The following RFC3 variants were observed in gnomAD, a reference collection of about 807,000 sequenced individuals.
The protein encoded by RFC3 is replication factor C subunit 3.
Under a neutral mutation model 45.1 loss-of-function variants are expected in RFC3, and 41 were observed. The ratio of observed to expected loss-of-function variants is 0.91; its 90% CI spans 0.71 to 1.18. The LOEUF (loss-of-function observed/expected upper bound fraction) is 1.18. Among genes scored for constraint, RFC3 ranks in the 50% most tolerant of loss-of-function variants. The probability of loss-of-function intolerance (pLI) is 0.00; values close to 1 mark genes in which losing one functional copy is unlikely to be tolerated. For synonymous variants in RFC3, 149 were observed against 144.0 expected, an observed-to-expected ratio of 1.03 and a Z score of -0.25; for missense variants, 423 against 428.1, an observed-to-expected ratio of 0.99 and a Z score of 0.10.
At chr13:33,900,935 A>T (rs1349301972) in intron 8 of RFC3, among the ~76,000 whole-genome samples, 1 of 151,956 alleles carries the variant, frequency 6.6e-6, no homozygotes, top group East Asian at 1.9e-4. Context: ...CAACAGGTAT[A>T]TGAAAAAATG....
At chr13:33,966,969 C>T (rs573403970), downstream of RFC3, among the ~76,000 whole-genome samples, 1 of 151,906 alleles carries the variant, frequency 6.6e-6, no homozygotes, top group South Asian at 2.1e-4. Flanking sequence ...CCAGCCTGGG[C>T]AACATGGCGA....
intron 2 of RFC3, among the ~76,000 whole-genome samples, chr13:33,823,242 C>A (rs142736797): frequency 6.6e-6 from 1 of 152,244 alleles, no homozygotes; most frequent in East Asian, 1.9e-4. Flanking sequence ...CACATACACA[C>A]ACATGTATTA....
Position 33,880,312 on chromosome 13 carries a change from C to T in RFC3, c.879+45095C>T, listed in dbSNP as rs74465236. 7.6e-3 allele frequency among the ~76,000 whole-genome samples: 1,159 copies of T among 152,138 alleles called. 16 individuals are homozygous for T. Among genetic ancestry groups the T allele is most frequent in the Middle Eastern group, 0.027 (8 of 294 alleles). Reference sequence around the variant, plus strand: ...TTTATGTAATTGTGCTGAAAAGTAACCTAATAAATGTTAAGTGCAGCATTT... The same window carrying T: ...TTTATGTAATTGTGCTGAAAAGTAATCTAATAAATGTTAAGTGCAGCATTT... On this transcript the variant is annotated intron_variant, in intron 8 of 8. Coordinates refer to the RFC3 transcript ENST00000434425.
At chr13:33,823,492 A>C (rs2082022178) in intron 2 of RFC3, among the ~76,000 whole-genome samples, 1 of 152,286 alleles carries the variant, frequency 6.6e-6, no homozygotes, top group East Asian at 1.9e-4. Flanking sequence ...AAGTAGGAAA[A>C]GCAAAACACA....
intron 8 of RFC3, among the ~76,000 whole-genome samples, chr13:33,889,950 A>G (rs571801341): frequency 1.3e-4 from 20 of 152,342 alleles, no homozygotes; most frequent in Non-Finnish European, 2.2e-4. Flanking sequence ...TTGTTAGCCT[A>G]CTATGGATTA....
chr13:33,964,007 G>T (rs1326024297), intron 8 of RFC3, among the ~76,000 whole-genome samples: 1 of 152,186 alleles, frequency 6.6e-6, no homozygotes, highest in Non-Finnish European at 1.5e-5. Context: ...GACCATCATT[G>T]TCGTCCTTCA....
intron 8 of RFC3, among the ~76,000 whole-genome samples, chr13:33,843,414 T>G (rs1566390943): frequency 6.6e-6 from 1 of 152,234 alleles, no homozygotes; most frequent in Non-Finnish European, 1.5e-5. Flanking sequence ...CCTTTGTGGC[T>G]TAGTAGCTTA....
chr13:33,916,439 A>G (rs965016789), intron 8 of RFC3, among the ~76,000 whole-genome samples: 4 of 152,176 alleles, frequency 2.6e-5, no homozygotes, highest in Non-Finnish European at 4.4e-5. Flanking sequence ...GGTGACAGAA[A>G]CAGATGTCTC....
chr13:33,854,308 G>A (rs2082295541), intron 8 of RFC3, among the ~76,000 whole-genome samples: 3 of 152,140 alleles, frequency 2.0e-5, no homozygotes, highest in African/African-American at 7.2e-5. Context: ...AAAGTAAATG[G>A]AAGGGAGCCA....
At chr13:33,901,853 C>CA (rs551702668) in intron 8 of RFC3, among the ~76,000 whole-genome samples, 2 of 151,498 alleles carry the variant, frequency 1.3e-5, no homozygotes, top group African/African-American at 2.4e-5. Flanking sequence ...AAACAAGAAA[C>CA]AAAAAAACAA....
chr13:33,865,752 T>C (rs2137548933), intron 8 of RFC3, among the ~76,000 whole-genome samples: 1 of 152,264 alleles, frequency 6.6e-6, no homozygotes, highest in East Asian at 1.9e-4. Flanking sequence ...AAACTTTATC[T>C]GTCAGAAAAT....
At chr13:33,937,132 A>G (rs1057007739) in intron 8 of RFC3, among the ~76,000 whole-genome samples, 2 of 152,182 alleles carry the variant, frequency 1.3e-5, no homozygotes, top group Non-Finnish European at 2.9e-5. Context: ...GAGGGATCAG[A>G]TATGTGAGAG....
At chr13:33,953,730 T>G (rs1021346681) in intron 8 of RFC3, among the ~76,000 whole-genome samples, 18 of 152,124 alleles carry the variant, frequency 1.2e-4, no homozygotes, top group African/African-American at 4.1e-4. Context: ...TTTCCAGACG[T>G]TTTTGGTTTG....
downstream of RFC3, among the ~76,000 whole-genome samples, chr13:33,839,234 C>A (rs1443686539): frequency 3.3e-5 from 5 of 152,176 alleles, no homozygotes; most frequent in Non-Finnish European, 7.3e-5. Flanking sequence ...TAGGATCTCT[C>A]AGTTTAATTT....
At chr13:33,967,320 G>T (rs939831600), downstream of RFC3, among the ~76,000 whole-genome samples, 2 of 152,058 alleles carry the variant, frequency 1.3e-5, no homozygotes, top group Non-Finnish European at 2.9e-5. Flanking sequence ...TCTGCGGAGT[G>T]CCAGTCCTTG....
intron 8 of RFC3, among the ~76,000 whole-genome samples, chr13:33,919,129 CATT>C (rs1160408430): frequency 4.6e-5 from 7 of 152,084 alleles, no homozygotes; most frequent in African/African-American, 1.7e-4. Flanking sequence ...CCCAAACAAT[CATT>C]ATTGTTTATG....
chr13:33,928,783 G>T (rs137884326), intron 8 of RFC3, among the ~76,000 whole-genome samples: 2 of 151,864 alleles, frequency 1.3e-5, no homozygotes, highest in African/African-American at 4.8e-5. Flanking sequence ...AACTAGGCAG[G>T]TATATGTCTG....
At chr13:33,872,421 C>T (rs1330210493) in intron 8 of RFC3, among the ~76,000 whole-genome samples, 2 of 151,974 alleles carry the variant, frequency 1.3e-5, no homozygotes, top group Non-Finnish European at 2.9e-5. Context: ...ATATTCTGAA[C>T]ATTTGGCATT....
At chr13:33,834,434 C>T (rs1190815277) in intron 7 of RFC3, among the ~76,000 whole-genome samples, 1 of 148,648 alleles carries the variant, frequency 6.7e-6, no homozygotes, top group Admixed American at 6.7e-5. Context: ...TGTACATTTC[C>T]CTCCTCTTCC....
Sources: gnomAD v4.1 joint callset for allele counts (sites outside exome capture counted in the v4.1 genomes callset) on GRCh38, gnomAD v4.1.1 for gene constraint, MANE v1.5 for transcripts, NCBI Gene and HGNC (gene_info 2026-07-23, HGNC 2026-07-21) for gene names.